Variants in ADAMTS9 observed in about 807,000 individuals in gnomAD.
ADAMTS9 encodes the protein ADAM metallopeptidase with thrombospondin type 1 motif 9, also known as A disintegrin and metalloproteinase with thrombospondin motifs 9.
In ADAMTS9, 107 loss-of-function variants were observed where a neutral mutation model predicts 257.1. The ratio of observed to expected loss-of-function variants is 0.42; its 90% CI spans 0.36 to 0.49. The LOEUF (loss-of-function observed/expected upper bound fraction) is 0.49. Ranked by LOEUF, ADAMTS9 falls within the 20% of genes least tolerant of loss-of-function variation. The pLI, the probability that ADAMTS9 is intolerant of heterozygous loss-of-function variation, is 0.03. For missense variants in ADAMTS9, 2,353 were observed against 2,469.1 expected (o/e 0.95, Z 1.00); for synonymous variants, 982 against 880.9 (o/e 1.11, Z -2.03).
chr3:64,579,175 T>C (rs1396577005), intron 28 of ADAMTS9, among the ~76,000 whole-genome samples: 1 of 152,128 alleles, frequency 6.6e-6, no homozygotes, highest in African/African-American at 2.4e-5. Flanking sequence ...TCCTATCCTA[T>C]CATTCACATC....
chr3:64,562,603 G>A (rs182530120), intron 29 of ADAMTS9, among the ~76,000 whole-genome samples: 1 of 152,220 alleles, frequency 6.6e-6, no homozygotes, highest in Admixed American at 6.5e-5. Flanking sequence ...GGCAACATTT[G>A]GAAAGAATGG....
intron 3 of ADAMTS9, among the ~76,000 whole-genome samples, chr3:64,678,500 G>A (rs1267722405): frequency 6.6e-6 from 1 of 152,168 alleles, no homozygotes; most frequent in East Asian, 1.9e-4. Flanking sequence ...TGGGAGAGGG[G>A]TTAGTTTTGT....
chr3:64,642,655 A>G (rs927816722), intron 11 of ADAMTS9, among the ~76,000 whole-genome samples: 1 of 152,242 alleles, frequency 6.6e-6, no homozygotes, highest in Non-Finnish European at 1.5e-5. Flanking sequence ...TCAGCAGGAC[A>G]AGGGAGGAGA....
At chr3:64,606,919 G>T in intron 23 of ADAMTS9, 41 bp downstream of exon 23, 1 of 1,609,982 alleles carries the variant, frequency 6.2e-7, no homozygotes, top group Non-Finnish European at 8.5e-7. Flanking sequence ...TGGTACCTTG[G>T]TCCCCAAAGT....
At chr3:64,619,326 T>TC (rs1470639022) in intron 19 of ADAMTS9, among the ~76,000 whole-genome samples, 4 of 152,168 alleles carry the variant, frequency 2.6e-5, no homozygotes, top group Non-Finnish European at 4.4e-5. Context: ...GGGAATTATT[T>TC]CTTTTCACAA....
At chr3:64,678,728 G>A (rs941512796) in intron 3 of ADAMTS9, among the ~76,000 whole-genome samples, 1 of 152,172 alleles carries the variant, frequency 6.6e-6, no homozygotes, top group Non-Finnish European at 1.5e-5. Context: ...AAGGCTACCT[G>A]GTTCCAGAGG....
intron 4 of ADAMTS9, 69 bp from the exon 5 acceptor site, chr3:64,655,944 A>C (rs1701058507): frequency 1.0e-6 from 1 of 978,616 alleles, no homozygotes; most frequent in East Asian, 2.5e-5. Context: ...GTCACGTCTT[A>C]CGTTGGGCTC....
At chr3:64,581,418 G>A (rs2083997373) in intron 28 of ADAMTS9, among the ~76,000 whole-genome samples, 1 of 152,008 alleles carries the variant, frequency 6.6e-6, no homozygotes, top group Non-Finnish European at 1.5e-5. Flanking sequence ...ACCAGGTTGT[G>A]AGACTGGCTA....
intron 22 of ADAMTS9, 132 bp from the exon 23 acceptor site, chr3:64,607,211 G>T: frequency 8.9e-7 from 1 of 1,123,682 alleles, no homozygotes. Flanking sequence ...AAATAAACTA[G>T]GTCGAAGTGG....
intron 2 of ADAMTS9, among the ~76,000 whole-genome samples, chr3:64,683,304 T>C (rs957121585): frequency 1.3e-5 from 2 of 152,194 alleles, no homozygotes; most frequent in Admixed American, 6.5e-5. Context: ...CAAATTCCCC[T>C]TCAATGGTAC....
chr3:64,670,403 C>A (rs1195142769), intron 3 of ADAMTS9, among the ~76,000 whole-genome samples: 2 of 152,158 alleles, frequency 1.3e-5, no homozygotes, highest in African/African-American at 4.8e-5. Flanking sequence ...AATAATAAAT[C>A]CTAAATACAC....
Position 64,602,002 on chromosome 3 carries a change from C to T in ADAMTS9, c.3959G>A (p.Ser1320Asn), listed in dbSNP as rs1181708471. The T allele has an allele frequency of 1.2e-6, 2 of 1,613,828 alleles. No individual in the cohort carries two copies. Among genetic ancestry groups the T allele is most frequent in the Non-Finnish European group, 1.7e-6 (2 of 1,179,942 alleles). ...QNEDYRPRSA[S>N]PSRTHVLGGN... Reference sequence around the variant, plus strand: ...ACCGAGCACATGGGTGCGGCTGGGGCTGGCGCTCCGGGGACGATAGTCCTC... The same window carrying T: ...ACCGAGCACATGGGTGCGGCTGGGGTTGGCGCTCCGGGGACGATAGTCCTC... The change falls in exon 26 of 40, where the codon AGC becomes AAC. Residue 1320 changes from serine to asparagine, a missense_variant. This residue lies in a region of ADAMTS9 where 1,402 missense variants were observed against 1,441.4 expected (regional missense o/e 0.97). Transcript: ENST00000498707.
intron 28 of ADAMTS9, among the ~76,000 whole-genome samples, chr3:64,586,125 A>G (rs79601438): frequency 0.088 from 13,389 of 152,176 alleles, 877 homozygotes; most frequent in East Asian, 0.27. Flanking sequence ...CAGCAGTGAG[A>G]CCTAGAGACC....
intron 8 of ADAMTS9, 82 bp downstream of exon 8, chr3:64,654,271 G>T: frequency 1.5e-6 from 2 of 1,374,340 alleles, no homozygotes; most frequent in Non-Finnish European, 2.0e-6. Flanking sequence ...ACACTCGAAA[G>T]TCAAGTAAAT....
intron 38 of ADAMTS9, among the ~76,000 whole-genome samples, chr3:64,531,905 C>G (rs1473974406): frequency 6.6e-6 from 1 of 152,168 alleles, no homozygotes; most frequent in South Asian, 2.1e-4. Context: ...CATTTTTCCA[C>G]GAGCCGGGTT....
chr3:64,540,187 C>T (rs577987256), intron 36 of ADAMTS9, among the ~76,000 whole-genome samples: 1 of 152,242 alleles, frequency 6.6e-6, no homozygotes, highest in Non-Finnish European at 1.5e-5. Context: ...AGTGGAGAAA[C>T]TGCAGACCCT....
chr3:64,615,321 C>T lies in ADAMTS9; in HGVS notation c.3189G>A (p.Glu1063=), dbSNP rs2084740971. ...GGAAATAACAGCCCTCCCATCTTAC[C>T]TCTGACCAGTCTCCAGATTTCCACT... ...CPQWKSGDWS[E]CLVTCGKGHK... Residue 1063 remains glutamate (E), a splice_region_variant and synonymous_variant, in exon 21 of 40, where the codon GAG becomes GAA. Transcript: ENST00000498707. 3.7e-6 allele frequency: 6 copies of T among 1,613,260 alleles called. No individual in the cohort carries two copies. Among genetic ancestry groups the T allele is most frequent in the Non-Finnish European group, 4.2e-6 (5 of 1,179,558 alleles).
Position 64,541,918 on chromosome 3 carries a change from G to C in ADAMTS9, c.5117C>G (p.Thr1706Ser). The part of the protein sequence containing the change: ...GVMQRSVQCL[T>S]NEDQPSHLCH... ...TAAGTGGCTGGGTTGGTCCTCATTG[G>C]TTAAACATTGCACAGATCTCTGCAT... Residue 1706 changes from threonine (T) to serine (S), a missense_variant, in exon 33 of 40, where the codon ACC (threonine) becomes AGC (serine). Around this residue, in one of 3 missense-constraint regions of ADAMTS9, gnomAD observed 1,402 missense variants for 1,441.4 expected, o/e 0.97. Transcript: ENST00000498707. The C allele has an allele frequency of 6.2e-7, 1 of 1,614,124 alleles. No individual in the cohort carries two copies. Among genetic ancestry groups the C allele is most frequent in the Non-Finnish European group, 8.5e-7 (1 of 1,180,020 alleles).
intron 29 of ADAMTS9, among the ~76,000 whole-genome samples, chr3:64,564,630 T>C (rs2083495915): frequency 1.3e-5 from 2 of 151,964 alleles, no homozygotes; most frequent in South Asian, 2.1e-4. Flanking sequence ...GGGGGGGCGT[T>C]GTCGTGTGCA....
Sources: gnomAD v4.1 joint callset for allele counts (sites outside exome capture counted in the v4.1 genomes callset) on GRCh38, gnomAD v4.1.1 for gene constraint, gnomAD v4.1.1 regional missense constraint, MANE v1.5 for transcripts, NCBI Gene and HGNC (gene_info 2026-07-23, HGNC 2026-07-21) for gene names.